The following NHSL2 variants were observed in gnomAD, a reference collection of about 807,000 sequenced individuals.
NHSL2 encodes the protein NHS-like protein 2.
NHSL2 carries 27 observed loss-of-function variants against 53.4 expected under a neutral mutation model. The observed-to-expected ratio is 0.51, with a 90% CI of 0.37 to 0.70. NHSL2 has a LOEUF of 0.70. NHSL2 is among the 30% of genes least tolerant of loss of function. NHSL2 has a pLI of 0.00. For missense variants in NHSL2, 892 were observed against 980.1 expected, an observed-to-expected ratio of 0.91 and a Z score of 1.20; for synonymous variants, 408 against 404.1, an observed-to-expected ratio of 1.01 and a Z score of -0.12.
chrX:72,094,710 A>G (rs1273734768), intron 1 of NHSL2, among the ~76,000 whole-genome samples: 1 of 111,130 alleles, frequency 9.0e-6, no homozygotes, highest in East Asian at 2.8e-4. Context: ...TGCTTGAGTA[A>G]CCTTATGATT....
intron 1 of NHSL2, among the ~76,000 whole-genome samples, chrX:72,106,722 A>C (rs755856339): frequency 2.6e-4 from 29 of 112,201 alleles, no homozygotes; most frequent in African/African-American, 9.1e-4. Flanking sequence ...CCAAATATCC[A>C]TCAATGATAG....
chrX:71,946,189 A>T (rs547640973), intron 1 of NHSL2, among the ~76,000 whole-genome samples: 9 of 111,986 alleles, frequency 8.0e-5, no homozygotes, highest in African/African-American at 2.9e-4. Flanking sequence ...CCCATCACAG[A>T]CAGGAGCAGG....
chrX:72,100,946 A>T (rs2041986870), intron 1 of NHSL2, among the ~76,000 whole-genome samples: 2 of 111,293 alleles, frequency 1.8e-5, no homozygotes, highest in African/African-American at 6.6e-5. Flanking sequence ...CGAGGTGATT[A>T]TCTGAGGTCT....
chrX:72,125,051 G>T (rs1289025584), intron 1 of NHSL2, among the ~76,000 whole-genome samples: 2 of 75,388 alleles, frequency 2.7e-5, no homozygotes, highest in African/African-American at 7.8e-5. Context: ...AAGCATTGGC[G>T]CATCTGACAG....
chrX:72,099,361 AT>A (rs753132294), intron 1 of NHSL2, among the ~76,000 whole-genome samples: 4,740 of 84,006 alleles, frequency 0.056, 76 homozygotes, highest in East Asian at 0.32. Context: ...TTGTGTAGGA[AT>A]TTTTTTTTTT....
chrX:72,100,114 C>G (rs981945918), intron 1 of NHSL2, among the ~76,000 whole-genome samples: 2 of 111,965 alleles, frequency 1.8e-5, no homozygotes, highest in African/African-American at 6.5e-5. Flanking sequence ...CCAATAAATT[C>G]AACGTATGCT....
At position 72,108,759 on chromosome X, in the gene NHSL2, C is replaced by T. The variant is rs767534400; in HGVS notation, c.281-23320C>T. On this transcript the variant is annotated intron_variant, in intron 1 of 7. Coordinates refer to ENST00000633930, the MANE Select transcript of NHSL2 (RefSeq NM_001013627.3). ...GCGGGTCCGGCAGGGAAGAAGGAAA[C>T]GCTGAGCCCAGGTTGCCGGCACTGT... 8.8e-4 allele frequency among the ~76,000 whole-genome samples: 98 copies of T among 111,972 alleles called. 1 individual carries two copies. The highest frequency in any genetic ancestry group is 3.1e-3 in the African/African-American group (95 of 30,844).
chrX:72,052,210 A>G (rs759414672), intron 1 of NHSL2, among the ~76,000 whole-genome samples: 15 of 111,735 alleles, frequency 1.3e-4, no homozygotes, highest in Non-Finnish European at 2.3e-4. Flanking sequence ...GGCACTTCCA[A>G]TGTGATGGGG....
chrX:72,005,019 G>A (rs1241304808), intron 1 of NHSL2, among the ~76,000 whole-genome samples: 1 of 111,486 alleles, frequency 9.0e-6, no homozygotes, highest in African/African-American at 3.3e-5. Flanking sequence ...GCTAAGGCAG[G>A]CTGAGATACA....
At chrX:72,060,852 T>C (rs2042395610) in intron 1 of NHSL2, among the ~76,000 whole-genome samples, 2 of 112,931 alleles carry the variant, frequency 1.8e-5, no homozygotes, top group Admixed American at 1.9e-4. Context: ...CAAAGTGCTC[T>C]GTAAAGGACT....
intron 1 of NHSL2, among the ~76,000 whole-genome samples, chrX:72,098,824 G>A (rs1388552059): frequency 1.8e-5 from 2 of 111,404 alleles, no homozygotes; most frequent in Non-Finnish European, 3.8e-5. Context: ...ATTTCAAATA[G>A]TACTGGAGAG....
At chrX:72,133,919 G>A in intron 2 of NHSL2, 172 bp from the exon 3 acceptor site, 2 of 449,337 alleles carry the variant, frequency 4.5e-6, no homozygotes, top group Non-Finnish European at 7.6e-6. Context: ...GTCCTGGGAA[G>A]CAAGCACTTT....
intron 1 of NHSL2, among the ~76,000 whole-genome samples, chrX:72,110,210 GCA>G (rs2042079647): frequency 9.0e-6 from 1 of 111,678 alleles, no homozygotes; most frequent in Admixed American, 9.5e-5. Flanking sequence ...CAGAATCTCA[GCA>G]CACACACCCC....
intron 1 of NHSL2, among the ~76,000 whole-genome samples, chrX:72,085,376 A>T (rs1224108275): frequency 1.8e-5 from 2 of 112,572 alleles, no homozygotes; most frequent in Non-Finnish European, 3.8e-5. Context: ...CCTGCCCGGT[A>T]TGCTTTCAGA....
Position 72,119,571 on chromosome X carries a change from T to C in NHSL2, c.281-12508T>C, listed in dbSNP as rs183073212. On this transcript the variant is annotated intron_variant, in intron 1 of 7. Transcript: ENST00000633930. ...CATTGCAGGTTGTTCATTGCAAGTATACAGAAATATAATTTTTAAATTGAT... is the reference window on the plus strand; with the variant it reads ...CATTGCAGGTTGTTCATTGCAAGTACACAGAAATATAATTTTTAAATTGAT... Among the ~76,000 whole-genome samples the C allele has an allele frequency of 3.5e-4, 39 of 112,715 alleles. No individual in the cohort carries two copies. The East Asian group carries it at 9.4e-3, about 27-fold the overall frequency.
chrX:71,926,381 T>A (rs1297177375), intron 1 of NHSL2, among the ~76,000 whole-genome samples: 1 of 112,325 alleles, frequency 8.9e-6, no homozygotes, highest in African/African-American at 3.2e-5. Flanking sequence ...ACTAGGTAGA[T>A]AAACTATGAC....
At chrX:71,982,020 G>A (rs2041981771) in intron 1 of NHSL2, among the ~76,000 whole-genome samples, 1 of 112,086 alleles carries the variant, frequency 8.9e-6, no homozygotes, top group Admixed American at 9.5e-5. Context: ...ATAAAAAAAA[G>A]CTTGTACATA....
intron 1 of NHSL2, among the ~76,000 whole-genome samples, chrX:71,997,233 C>T (rs1000155228): frequency 9.9e-5 from 11 of 111,463 alleles, no homozygotes; most frequent in African/African-American, 2.6e-4. Flanking sequence ...CAGGACTCTA[C>T]GACAACAATG....
intron 1 of NHSL2, among the ~76,000 whole-genome samples, chrX:72,021,356 G>C (rs1377474702): frequency 8.9e-6 from 1 of 111,885 alleles, no homozygotes; most frequent in East Asian, 2.8e-4. Flanking sequence ...TTTCCCTCCA[G>C]TTCACTGCCT....
Sources: allele counts gnomAD v4.1 joint callset (sites outside exome capture counted in the v4.1 genomes callset), GRCh38; gene constraint gnomAD v4.1.1; transcripts MANE v1.5; gene names NCBI Gene and HGNC (gene_info 2026-07-23, HGNC 2026-07-21).